The following CLASP1 variants were observed in gnomAD, a reference collection of about 807,000 sequenced individuals.
The protein encoded by CLASP1 is cytoplasmic linker associated protein 1.
In CLASP1, 38 loss-of-function variants were observed where a neutral mutation model predicts 192.3. The ratio of observed to expected loss-of-function variants is 0.20; its 90% CI spans 0.15 to 0.26. The LOEUF (loss-of-function observed/expected upper bound fraction) is 0.26, where lower values mean the gene tolerates loss of function less well. Ranked by LOEUF, CLASP1 falls within the 10% of genes least tolerant of loss-of-function variation. The pLI, the probability that CLASP1 is intolerant of heterozygous loss-of-function variation, is 1.00. For synonymous variants in CLASP1, 691 were observed against 712.8 expected (o/e 0.97, Z 0.49); for missense variants, 1,433 against 1,932.5 (o/e 0.74, Z 4.85).
At chr2:121,646,218 T>C (rs1374274790) in intron 1 of CLASP1, among the ~76,000 whole-genome samples, 1 of 152,116 alleles carries the variant, frequency 6.6e-6, no homozygotes, top group African/African-American at 2.4e-5. Flanking sequence ...ACTCAGGAGA[T>C]CCTCCCACCT....
At chr2:121,587,073 TC>T (rs1020318781) in intron 2 of CLASP1, among the ~76,000 whole-genome samples, 1 of 151,822 alleles carries the variant, frequency 6.6e-6, no homozygotes, top group African/African-American at 2.4e-5. Flanking sequence ...AAACCCTGTC[TC>T]AACTAAAAAT....
At chr2:121,588,173 C>CAAAAA (rs397769809) in intron 2 of CLASP1, among the ~76,000 whole-genome samples, 5 of 61,038 alleles carry the variant, frequency 8.2e-5, no homozygotes, top group Non-Finnish European at 1.2e-4. Context: ...GACTCCGTCT[C>CAAAAA]AAAAAAAAAA....
At chr2:121,471,578 A>G (rs532813038) in intron 8 of CLASP1, among the ~76,000 whole-genome samples, 1 of 152,088 alleles carries the variant, frequency 6.6e-6, no homozygotes, top group Non-Finnish European at 1.5e-5. Flanking sequence ...CTAAATTATC[A>G]ACAGCCAAGT....
intron 34 of CLASP1, among the ~76,000 whole-genome samples, chr2:121,370,762 T>TC (rs1307854684): frequency 1.3e-5 from 2 of 152,066 alleles, no homozygotes; most frequent in Admixed American, 6.6e-5. Context: ...GCCACTGCAC[T>TC]CCCCCCACTC....
At chr2:121,619,883 G>A (rs2067045323) in intron 1 of CLASP1, among the ~76,000 whole-genome samples, 1 of 151,994 alleles carries the variant, frequency 6.6e-6, no homozygotes, top group Non-Finnish European at 1.5e-5. Context: ...CTTGGTGATG[G>A]GCATTCCAGG....
chr2:121,413,997 T>C (rs1464419011), intron 23 of CLASP1, among the ~76,000 whole-genome samples, 144 bp downstream of exon 24: 1 of 152,068 alleles, frequency 6.6e-6, no homozygotes, highest in Admixed American at 6.6e-5. Flanking sequence ...ATTCAATAAC[T>C]TAAAAAAATT....
intron 6 of CLASP1, among the ~76,000 whole-genome samples, chr2:121,522,062 G>A (rs137864572): frequency 1.7e-3 from 254 of 152,292 alleles, no homozygotes; most frequent in African/African-American, 5.7e-3. Context: ...GGTTAGTATC[G>A]GGGAGGTAGG....
intron 8 of CLASP1, among the ~76,000 whole-genome samples, chr2:121,472,538 G>T (rs2090940574): frequency 6.6e-6 from 1 of 152,144 alleles, no homozygotes; most frequent in South Asian, 2.1e-4. Context: ...CCAAGTACAG[G>T]GAAGGGGAAC....
At chr2:121,551,635 C>T (rs760322904) in intron 2 of CLASP1, among the ~76,000 whole-genome samples, 1 of 152,016 alleles carries the variant, frequency 6.6e-6, no homozygotes, top group Non-Finnish European at 1.5e-5. Context: ...AGGAATACAG[C>T]GAACCAGGAA....
At chr2:121,634,349 C>T (rs571851611) in intron 1 of CLASP1, among the ~76,000 whole-genome samples, 1 of 152,134 alleles carries the variant, frequency 6.6e-6, no homozygotes, top group African/African-American at 2.4e-5. Flanking sequence ...TAGAATAACA[C>T]TTTTATTTTA....
At chr2:121,396,733 T>A (rs994753303) in intron 30 of CLASP1, among the ~76,000 whole-genome samples, 1 of 152,258 alleles carries the variant, frequency 6.6e-6, no homozygotes, top group Admixed American at 6.5e-5. Flanking sequence ...ACGTTTGCTC[T>A]TTTTTAAGCA....
At chr2:121,358,515 T>A (rs182015518) in intron 37 of CLASP1, among the ~76,000 whole-genome samples, 2 of 152,360 alleles carry the variant, frequency 1.3e-5, no homozygotes, top group Non-Finnish European at 2.9e-5. Flanking sequence ...CTAGTGATTC[T>A]AACTGGTATT....
intron 8 of CLASP1, among the ~76,000 whole-genome samples, chr2:121,474,040 TAA>T (rs1419802957): frequency 6.6e-6 from 1 of 152,214 alleles, no homozygotes; most frequent in Non-Finnish European, 1.5e-5. Context: ...TGGATAAATA[TAA>T]GACTTTCTCC....
chr2:121,499,518 A>G lies in CLASP1; in HGVS notation c.712+3649T>C, dbSNP rs979463664. Reference sequence around the variant, plus strand: ...TGCACACTTTGTGAATATTCAAAAAAAAAAAAACACTAAAGCATTCACTTT... The same window carrying G: ...TGCACACTTTGTGAATATTCAAAAAGAAAAAAACACTAAAGCATTCACTTT... On this transcript the variant is annotated intron_variant, in intron 8 of 39. Transcript: ENST00000263710. Among the ~76,000 whole-genome samples the G allele has an allele frequency of 7.2e-5, 11 of 151,752 alleles. No individual in the cohort carries two copies. The East Asian group carries it at 2.1e-3, about 29-fold the overall frequency.
intron 1 of CLASP1, among the ~76,000 whole-genome samples, chr2:121,630,719 C>T (rs1337478051): frequency 6.6e-6 from 1 of 151,594 alleles, no homozygotes; most frequent in Non-Finnish European, 1.5e-5. Context: ...AAAAAATTAG[C>T]CGGGCATGGT....
At chr2:121,429,978 C>T in intron 20 of CLASP1, 95 bp downstream of exon 20, 6 of 942,940 alleles carry the variant, frequency 6.4e-6, no homozygotes, top group South Asian at 1.6e-5. Context: ...GTGTTTTTCC[C>T]TCTGAAGTCA....
At chr2:121,451,214 C>T (rs566983496) in intron 15 of CLASP1, among the ~76,000 whole-genome samples, 104 of 152,302 alleles carry the variant, frequency 6.8e-4, no homozygotes, top group African/African-American at 2.4e-3. Context: ...CCTACCCACG[C>T]CTAAGGACTT....
chr2:121,556,507 C>T (rs2058584064), intron 2 of CLASP1, among the ~76,000 whole-genome samples: 1 of 152,166 alleles, frequency 6.6e-6, no homozygotes, highest in Admixed American at 6.5e-5. Context: ...CCGCTCTCTG[C>T]ACCGGGTGCT....
At chr2:121,436,023 G>A (rs2082240852) in intron 19 of CLASP1, among the ~76,000 whole-genome samples, 1 of 150,448 alleles carries the variant, frequency 6.6e-6, no homozygotes, top group Admixed American at 6.6e-5. Context: ...TTCGTGTTGT[G>A]CAATTTTACT....
Sources: gnomAD v4.1 joint callset for allele counts (sites outside exome capture counted in the v4.1 genomes callset) on GRCh38, gnomAD v4.1.1 for gene constraint, MANE v1.5 for transcripts, NCBI Gene and HGNC (gene_info 2026-07-23, HGNC 2026-07-21) for gene names.